IQCH: variants seen among roughly 807,000 people sequenced by gnomAD.
IQCH encodes IQ domain-containing protein H.
IQCH carries 98 observed loss-of-function variants against 117.0 expected under a neutral mutation model. The observed-to-expected ratio is 0.84, with a 90% CI of 0.71 to 0.99. IQCH has a LOEUF of 0.99. Among genes scored for constraint, IQCH ranks in the 50% least tolerant of loss-of-function variants. The pLI is 0.00. For synonymous variants in IQCH, 412 were observed against 448.2 expected (o/e 0.92, Z 1.02); for missense variants, 1,102 against 1,243.8 (o/e 0.89, Z 1.72).
In IQCH at chr15:67,359,897, G is replaced by A. The variant is rs769587288; in HGVS notation, c.753+12G>A. The A allele has an allele frequency of 4.2e-5, 63 of 1,500,450 alleles. No individual in the cohort carries two copies. The Middle Eastern group carries it at 9.1e-4, about 22-fold the overall frequency. 92.9% of individuals were successfully genotyped at this position (1,500,450 alleles called of 1,614,324 possible). A position where few individuals can be genotyped will look rare whatever the true frequency, so the allele number is the denominator to read the frequency against. On this transcript the variant is annotated intron_variant, in intron 8 of 20. Coordinates refer to ENST00000335894, the MANE Select transcript of IQCH (RefSeq NM_001031715.3). This position sits in a 1 kb window ranked among gnomAD's most constrained non-coding sequence, Gnocchi z 4.5. ...ATCATGATAGGAAGGTCTGTAATTT[G>A]TGTGACTAGTTGAAATTTAGGGTCT...
At position 67,422,944 on chromosome 15, in the gene IQCH, A is replaced by G. The variant is rs2081786978; in HGVS notation, c.2505+1367A>G. Among the ~76,000 whole-genome samples, 3 of 152,174 alleles carry G rather than the reference A, an allele frequency of 2.0e-5. No individual in the cohort carries two copies. Among genetic ancestry groups the G allele is most frequent in the Non-Finnish European group, 4.4e-5 (3 of 68,036 alleles). ...TATCCTCTGGTCATCCGCATTGTAC[A>G]TATACTTTGGTTGTTTTAGGATCAT... On this transcript the variant is annotated intron_variant, in intron 16 of 20. Transcript: ENST00000335894. The surrounding 1 kb of genome is among the most constrained non-coding windows in gnomAD (Gnocchi z 4.7).
intron 7 of IQCH, 86 bp downstream of exon 7, chr15:67,357,507 G>T (rs1203406055): frequency 2.3e-6 from 2 of 868,082 alleles, no homozygotes; most frequent in African/African-American, 1.7e-5. Context: ...ACGTTATTGA[G>T]TTGTACCTTC....
In IQCH at chr15:67,431,934, GC is replaced by G. The variant is rs1596363261; in HGVS notation, c.2505+10358del. ...ATCTGTAATCCTACCTACATGGGAG[GC>G]TGAGGCAGGAGGATCACTTAAGCCC... On this transcript the variant is annotated intron_variant, in intron 16 of 20. Coordinates refer to ENST00000335894, the MANE Select transcript of IQCH (RefSeq NM_001031715.3). The surrounding 1 kb of genome is among the most constrained non-coding windows in gnomAD (Gnocchi z 4.8). Among the ~76,000 whole-genome samples, 1 of 152,348 alleles carries G rather than the reference GC, an allele frequency of 6.6e-6. No homozygotes were observed. Among genetic ancestry groups the G allele is most frequent in the East Asian group, 1.9e-4 (1 of 5,190 alleles).
At chr15:67,287,866 G>A (rs866334808) in intron 4 of IQCH, among the ~76,000 whole-genome samples, 1 of 151,894 alleles carries the variant, frequency 6.6e-6, no homozygotes, top group Middle Eastern at 3.4e-3. Context: ...TTTGGATGTA[G>A]TTGCTTATAG....
At chr15:67,375,650 T>TTTAG (rs1210538481) in intron 10 of IQCH, among the ~76,000 whole-genome samples, 1 of 152,144 alleles carries the variant, frequency 6.6e-6, no homozygotes, top group Non-Finnish European at 1.5e-5. Context: ...AATTATGTAA[T>TTTAG]TTCTAAGAGA....
At chr15:67,360,603 G>A (rs540851808) in intron 8 of IQCH, among the ~76,000 whole-genome samples, 2 of 152,340 alleles carry the variant, frequency 1.3e-5, no homozygotes, top group South Asian at 4.1e-4. Flanking sequence ...ATGCATTAAT[G>A]TGTGTGAAAG....
intron 4 of IQCH, among the ~76,000 whole-genome samples, chr15:67,325,993 T>G (rs1314625034): frequency 1.3e-5 from 2 of 152,144 alleles, no homozygotes; most frequent in African/African-American, 4.8e-5. Flanking sequence ...ACACTTTAAG[T>G]TCTAGGGTAC....
At chr15:67,293,199 A>G (rs1567071158) in intron 4 of IQCH, among the ~76,000 whole-genome samples, 1 of 152,228 alleles carries the variant, frequency 6.6e-6, no homozygotes, top group African/African-American at 2.4e-5. Context: ...ATCAACCTCT[A>G]TTATGTACCT....
intron 4 of IQCH, among the ~76,000 whole-genome samples, chr15:67,335,768 A>G (rs143919639): frequency 6.6e-6 from 1 of 152,326 alleles, no homozygotes; most frequent in East Asian, 1.9e-4. Flanking sequence ...GGGGAGAAAC[A>G]GATTGCACTA....
chr15:67,261,999 G>C (rs1392170867), intron 2 of IQCH, among the ~76,000 whole-genome samples: 2 of 151,968 alleles, frequency 1.3e-5, no homozygotes, highest in Non-Finnish European at 2.9e-5. Flanking sequence ...TGAGGTGGGA[G>C]GATTGCTTGA....
intron 4 of IQCH, among the ~76,000 whole-genome samples, chr15:67,318,342 G>A (rs1413473420): frequency 1.3e-5 from 2 of 152,020 alleles, no homozygotes; most frequent in African/African-American, 4.8e-5. Context: ...CATAAAAAAT[G>A]GGGGACCTAT....
intron 4 of IQCH, among the ~76,000 whole-genome samples, chr15:67,287,233 C>A (rs2140493025): frequency 6.6e-6 from 1 of 152,112 alleles, no homozygotes; most frequent in Middle Eastern, 3.4e-3. Context: ...AGTTTTTTCT[C>A]TTTTTAATGT....
At position 67,311,949 on chromosome 15, in the gene IQCH, C is replaced by A. The variant is rs1021919791; in HGVS notation, c.388-25026C>A. ...GATTTGGGGGAATCCAGGAAGAGAG[C>A]CTTTGCACTGCTCTGAAATCATTCC... On this transcript the variant is annotated intron_variant, in intron 4 of 20. Coordinates refer to ENST00000335894, the MANE Select transcript of IQCH (RefSeq NM_001031715.3). Among the ~76,000 whole-genome samples the A allele has an allele frequency of 2.0e-5, 3 of 152,106 alleles. No individual in the cohort carries two copies. The East Asian group carries it at 5.8e-4, about 29-fold the overall frequency.
intron 6 of IQCH, among the ~76,000 whole-genome samples, chr15:67,355,147 A>C (rs947932908): frequency 6.6e-6 from 1 of 152,214 alleles, no homozygotes; most frequent in Non-Finnish European, 1.5e-5. Flanking sequence ...TTGTTGGATA[A>C]GTATATTTAA....
rs1474149865 is a variant in IQCH at position 67,465,075 on chromosome 15, C to T, written c.2506-52C>T. 5.7e-6 allele frequency: 9 copies of T among 1,584,046 alleles called. No homozygotes were observed. Among genetic ancestry groups the T allele is most frequent in the Admixed American group, 1.7e-5 (1 of 58,334 alleles). Reference sequence around the variant, plus strand: ...TCTGGTTAGGCAGAGGTGGGGCCTTCGCTGCTGTTTGCTGATTTCACCCTC... The same window carrying T: ...TCTGGTTAGGCAGAGGTGGGGCCTTTGCTGCTGTTTGCTGATTTCACCCTC... On this transcript the variant is annotated intron_variant, in intron 16 of 20. Coordinates refer to ENST00000335894, the MANE Select transcript of IQCH (RefSeq NM_001031715.3). This position sits in a 1 kb window ranked among gnomAD's most constrained non-coding sequence, Gnocchi z 5.9.
intron 6 of IQCH, among the ~76,000 whole-genome samples, chr15:67,351,355 C>T (rs1297325549): frequency 6.6e-6 from 1 of 151,106 alleles, no homozygotes; most frequent in African/African-American, 2.4e-5. Context: ...GTTTTCTGTT[C>T]CTGTGTTAGT....
intron 4 of IQCH, among the ~76,000 whole-genome samples, chr15:67,331,405 A>G (rs922683098): frequency 2.0e-5 from 3 of 152,220 alleles, no homozygotes; most frequent in Admixed American, 2.0e-4. Flanking sequence ...CCTTGCAGAT[A>G]TAAGGAAACA....
intron 18 of IQCH, among the ~76,000 whole-genome samples, chr15:67,485,020 G>A (rs1177045037): frequency 3.9e-5 from 6 of 151,954 alleles, no homozygotes; most frequent in South Asian, 4.1e-4. Flanking sequence ...TAACTCCACC[G>A]ATCCCAGCCA....
intron 4 of IQCH, among the ~76,000 whole-genome samples, chr15:67,332,120 A>T (rs1251843043): frequency 1.3e-5 from 2 of 152,326 alleles, no homozygotes; most frequent in East Asian, 3.9e-4. Flanking sequence ...AATGAAAGAG[A>T]AAGGGTATTC....
Sources: gnomAD v4.1 joint callset for allele counts (sites outside exome capture counted in the v4.1 genomes callset) on GRCh38, gnomAD v4.1.1 for gene constraint, Gnocchi (gnomAD v3.1) non-coding constraint, MANE v1.5 for transcripts, NCBI Gene and HGNC (gene_info 2026-07-23, HGNC 2026-07-21) for gene names.